EYA2: variants seen among roughly 807,000 people sequenced by gnomAD.
The protein encoded by EYA2 is EYA transcriptional coactivator and phosphatase 2.
Under a neutral mutation model 69.2 loss-of-function variants are expected in EYA2, and 31 were observed. The ratio of observed to expected loss-of-function variants is 0.45; its 90% CI spans 0.34 to 0.60. EYA2 has a LOEUF of 0.60. EYA2 is among the 20% of genes least tolerant of loss of function. The pLI is 0.02. For missense variants in EYA2, 622 were observed against 701.2 expected (o/e 0.89, Z 1.28); for synonymous variants, 257 against 279.4 (o/e 0.92, Z 0.80).
At chr20:47,109,324 C>T (rs2032683525) in intron 9 of EYA2, among the ~76,000 whole-genome samples, 1 of 152,160 alleles carries the variant, frequency 6.6e-6, no homozygotes, top group Admixed American at 6.5e-5. Context: ...TATTCTTTGT[C>T]CACACAAGGC....
In EYA2 at chr20:46,984,648, A is replaced by C. The variant is rs1174566037; in HGVS notation, c.-10-5353A>C. 2.0e-5 allele frequency among the ~76,000 whole-genome samples: 3 copies of C among 152,226 alleles called. 1 individual carries two copies. The East Asian group carries it at 5.8e-4, about 29-fold the overall frequency. The stretch of plus-strand genomic sequence containing the variant: ...TACTTCTGGTGGAATCTAGAATGGC[A>C]CAGGAGTTATGAAGAACAGTCTGCT... On this transcript the variant is annotated intron_variant, in intron 1 of 15. Transcript: ENST00000327619.
At chr20:47,144,114 T>C (rs992988907) in intron 10 of EYA2, among the ~76,000 whole-genome samples, 13 of 152,078 alleles carry the variant, frequency 8.5e-5, no homozygotes, top group African/African-American at 3.1e-4. Flanking sequence ...TCCCAGCACT[T>C]TGGGAGGCCG....
At chr20:47,162,227 C>A (rs903689311) in intron 10 of EYA2, among the ~76,000 whole-genome samples, 1 of 152,124 alleles carries the variant, frequency 6.6e-6, no homozygotes, top group African/African-American at 2.4e-5. Flanking sequence ...TGATCATCTG[C>A]AAAGACCCTA....
chr20:46,974,582 C>G (rs1015174624), intron 1 of EYA2, among the ~76,000 whole-genome samples: 19 of 152,186 alleles, frequency 1.2e-4, no homozygotes, highest in African/African-American at 4.6e-4. Context: ...GGTAGGATAC[C>G]AGGACTCCAG....
chr20:47,186,983 C>A (rs1453725597), intron 15 of EYA2, among the ~76,000 whole-genome samples: 1 of 151,894 alleles, frequency 6.6e-6, no homozygotes. Flanking sequence ...CAGTTGAGCC[C>A]AAGAGATCAA....
At chr20:46,919,230 C>G (rs958832899) in intron 1 of EYA2, among the ~76,000 whole-genome samples, 22 of 152,138 alleles carry the variant, frequency 1.4e-4, no homozygotes, top group Admixed American at 3.9e-4. Flanking sequence ...CTGCATTGGC[C>G]CTTAACAAGA....
intron 9 of EYA2, among the ~76,000 whole-genome samples, chr20:47,128,513 C>G (rs2033255807): frequency 6.7e-6 from 1 of 150,256 alleles, no homozygotes; most frequent in Non-Finnish European, 1.5e-5. Context: ...TCAACAGTTA[C>G]AAATCAGGCA....
At chr20:47,045,905 C>T (rs1304182889) in intron 5 of EYA2, among the ~76,000 whole-genome samples, 1 of 152,218 alleles carries the variant, frequency 6.6e-6, no homozygotes, top group East Asian at 1.9e-4. Context: ...AGACTCTTCT[C>T]ATCTTGCTGT....
chr20:47,013,066 G>A (rs1983176176), intron 4 of EYA2, among the ~76,000 whole-genome samples: 1 of 152,212 alleles, frequency 6.6e-6, no homozygotes, highest in Non-Finnish European at 1.5e-5. Context: ...CAAAAGAAGA[G>A]ATGAAAAACT....
intron 9 of EYA2, among the ~76,000 whole-genome samples, chr20:47,132,251 G>C (rs1048676944): frequency 2.0e-5 from 3 of 152,132 alleles, no homozygotes; most frequent in Non-Finnish European, 4.4e-5. Context: ...CCCCCAGCGA[G>C]GTGTTTTAGA....
intron 5 of EYA2, among the ~76,000 whole-genome samples, chr20:47,026,139 C>G (rs1984066698): frequency 6.6e-6 from 1 of 152,170 alleles, no homozygotes; most frequent in African/African-American, 2.4e-5. Context: ...CAGAGAGAGA[C>G]CCACACATTT....
intron 1 of EYA2, among the ~76,000 whole-genome samples, chr20:46,975,026 A>T (rs1980376458): frequency 7.0e-6 from 1 of 142,880 alleles, no homozygotes. Flanking sequence ...TTTATATAAC[A>T]TTTTCAAAAT....
chr20:46,919,207 T>C (rs1985068439), intron 1 of EYA2, among the ~76,000 whole-genome samples: 1 of 152,238 alleles, frequency 6.6e-6, no homozygotes, highest in Non-Finnish European at 1.5e-5. Flanking sequence ...TGGCTTCAAC[T>C]TAAAGTTATC....
intron 5 of EYA2, among the ~76,000 whole-genome samples, chr20:47,058,395 C>G (rs1038764419): frequency 2.0e-5 from 3 of 152,236 alleles, no homozygotes; most frequent in Non-Finnish European, 2.9e-5. Flanking sequence ...AGTGGTCCCA[C>G]TCTATCCCAG....
intron 7 of EYA2, among the ~76,000 whole-genome samples, chr20:47,085,474 T>C (rs1229167629): frequency 1.3e-5 from 2 of 151,766 alleles, no homozygotes; most frequent in East Asian, 1.9e-4. Flanking sequence ...GGTAAAATCC[T>C]GTCTCTACTA....
chr20:47,179,342 A>AG (rs1555835466), intron 12 of EYA2, among the ~76,000 whole-genome samples: 2 of 66,746 alleles, frequency 3.0e-5, no homozygotes, highest in African/African-American at 1.3e-4. Flanking sequence ...GGGTAGATTG[A>AG]TGGGTGGGTG....
At chr20:47,186,101 GCTTTCTACCCTATCTCATTCT>G (rs1450284379) in intron 15 of EYA2, among the ~76,000 whole-genome samples, 3 of 152,130 alleles carry the variant, frequency 2.0e-5, no homozygotes, top group Non-Finnish European at 4.4e-5. Flanking sequence ...ACACAAAGCT[GCTTTCTACCCTATCTCATTCT>G]GTTTCCTTCC....
chr20:47,074,175 CG>C lies in EYA2; in HGVS notation c.503del (p.Gly168AlafsTer112). On this transcript the variant is annotated frameshift_variant, in exon 7 of 16. Coordinates refer to ENST00000327619, the MANE Select transcript of EYA2 (RefSeq NM_005244.5). LOFTEE classifies it high-confidence loss of function. ...SVHQDYPSYP[G>X]FPQSQYPQYY... Reference sequence around the variant, plus strand: ...CTTCCCAGGACTATCCTTCCTACCCCGGCTTCCCCCAGAGCCAGTACCCCCA... The same window carrying C: ...CTTCCCAGGACTATCCTTCCTACCCCGCTTCCCCCAGAGCCAGTACCCCCA... The C allele has an allele frequency of 6.2e-7, 1 of 1,611,994 alleles. No homozygotes were observed. The highest frequency in any genetic ancestry group is 8.5e-7 in the Non-Finnish European group (1 of 1,178,576).
chr20:47,049,830 CCTCT>C (rs924013632), intron 5 of EYA2, among the ~76,000 whole-genome samples: 27 of 151,868 alleles, frequency 1.8e-4, no homozygotes, highest in African/African-American at 5.1e-4. Context: ...TGTAGCTGTG[CCTCT>C]CTCTCTAGGC....
Sources: gnomAD v4.1 joint callset for allele counts (sites outside exome capture counted in the v4.1 genomes callset) on GRCh38, gnomAD v4.1.1 for gene constraint, MANE v1.5 for transcripts, NCBI Gene and HGNC (gene_info 2026-07-23, HGNC 2026-07-21) for gene names.